Variants in MROH2B observed in about 807,000 individuals in gnomAD.
MROH2B encodes the protein maestro heat like repeat family member 2B.
A neutral mutation model predicts 208.6 loss-of-function variants in MROH2B; 177 were observed. That is an observed-to-expected ratio of 0.85 (90% CI 0.75 to 0.96). The LOEUF is 0.96. Ranked by LOEUF, MROH2B falls within the 40% of genes least tolerant of loss-of-function variation. The probability of loss-of-function intolerance (pLI) is 0.00; values close to 1 mark genes in which losing one functional copy is unlikely to be tolerated. For missense variants in MROH2B, 2,002 were observed against 1,878.7 expected, an observed-to-expected ratio of 1.07 and a Z score of -1.21; for synonymous variants, 728 against 659.0, an observed-to-expected ratio of 1.10 and a Z score of -1.60.
intron 38 of MROH2B, 78 bp from the exon 39 acceptor site, chr5:41,000,429 C>A: frequency 6.5e-7 from 1 of 1,547,742 alleles, no homozygotes; most frequent in Non-Finnish European, 8.7e-7. Context: ...CTGAATAGTA[C>A]TGGGAAAGAA....
At chr5:41,008,584 T>C (rs975572855) in intron 33 of MROH2B, 22 bp downstream of exon 33, 1 of 1,611,306 alleles carries the variant, frequency 6.2e-7, no homozygotes, top group African/African-American at 1.3e-5. Flanking sequence ...CTGTGGAAGA[T>C]GCTTCCTGAT....
chr5:41,031,454 C>G (rs1742566346), intron 24 of MROH2B, among the ~76,000 whole-genome samples: 1 of 151,982 alleles, frequency 6.6e-6, no homozygotes, highest in South Asian at 2.1e-4. Context: ...GGGTGGGGAC[C>G]CAAAGTCAAA....
At chr5:41,034,000 T>C (rs1742671257) in intron 21 of MROH2B, 136 bp from the exon 22 acceptor site, 1 of 1,184,338 alleles carries the variant, frequency 8.4e-7, no homozygotes, top group Non-Finnish European at 1.1e-6. Flanking sequence ...AGGGGGGTCT[T>C]GCCAAGGGGA....
At position 40,998,090 on chromosome 5, in the gene MROH2B, G is replaced by C; in HGVS notation, c.4720C>G (p.Leu1574Val). Residue 1574 changes from leucine (L) to valine (V), a missense_variant, in exon 42 of 42, where the codon CTC (leucine) becomes GTC (valine). Coordinates refer to ENST00000399564, the MANE Select transcript of MROH2B (RefSeq NM_173489.5). ...CTTGTCTCTTTACACCTTCTCAGGA[G>C]GGTTTGCAAAGCAGCCTCAGCTGCT... ...QRAAEAALQT[L>V]LRRCKETSIP... 6.2e-7 allele frequency: 1 copy of C among 1,612,452 alleles called. No individual in the cohort carries two copies. The highest frequency in any genetic ancestry group is 8.5e-7 in the Non-Finnish European group (1 of 1,178,718).
intron 24 of MROH2B, among the ~76,000 whole-genome samples, chr5:41,019,805 G>T (rs1254164599): frequency 6.6e-6 from 1 of 152,206 alleles, no homozygotes; most frequent in Non-Finnish European, 1.5e-5. Context: ...TGTCTTTATT[G>T]TCTGGCTCAC....
chr5:41,017,783 GA>G (rs1742003903), intron 28 of MROH2B, 66 bp downstream of exon 28: 5 of 1,505,278 alleles, frequency 3.3e-6, no homozygotes, highest in Non-Finnish European at 2.7e-6. Flanking sequence ...TGCATAAGGA[GA>G]AAAGCTGAGA....
chr5:41,010,111 GT>G (rs1561277372), intron 30 of MROH2B, 32 bp from the exon 31 acceptor site: 2 of 1,606,376 alleles, frequency 1.2e-6, no homozygotes. Context: ...CAAACATTAA[GT>G]TGCCATTTTC....
chr5:41,023,128 CA>C (rs573098757), intron 24 of MROH2B, among the ~76,000 whole-genome samples: 64 of 152,288 alleles, frequency 4.2e-4, no homozygotes, highest in African/African-American at 1.4e-3. Flanking sequence ...TTCTAAAAAT[CA>C]GAGCGCTCTC....
At chr5:41,061,440 T>G (rs1743633705) in intron 6 of MROH2B, 130 bp downstream of exon 6, 2 of 805,396 alleles carry the variant, frequency 2.5e-6, no homozygotes, top group Admixed American at 6.0e-5. Flanking sequence ...AAGAAAAAAT[T>G]GATAAATCTC....
At chr5:41,017,023 C>A (rs1005998882) in intron 28 of MROH2B, among the ~76,000 whole-genome samples, 7 of 152,122 alleles carry the variant, frequency 4.6e-5, no homozygotes, top group African/African-American at 1.7e-4. Flanking sequence ...GTGTCCCCAG[C>A]ATTAGAACAG....
chr5:41,022,180 T>C (rs1286660124), intron 24 of MROH2B, among the ~76,000 whole-genome samples: 1 of 152,076 alleles, frequency 6.6e-6, no homozygotes, highest in African/African-American at 2.4e-5. Context: ...TACATCTCAA[T>C]GGGGCTTGTT....
chr5:41,050,826 G>A (rs1743261572), intron 13 of MROH2B, 151 bp downstream of exon 13: 2 of 580,536 alleles, frequency 3.4e-6, no homozygotes, highest in East Asian at 6.7e-5. Context: ...ACCACTATGT[G>A]TTGGACACAG....
chr5:41,033,118 T>A lies in MROH2B; in HGVS notation c.2284A>T (p.Ile762Phe). Reference sequence around the variant, plus strand: ...TCAGCATCTTGGACAGCAATGCCAATCTCAGTGATGCTTCTTGTGAAACTC... The same window carrying A: ...TCAGCATCTTGGACAGCAATGCCAAACTCAGTGATGCTTCTTGTGAAACTC... Reference protein sequence around the residue: ...QMSFTRSITEIGIAVQDAEDQ... With the variant: ...QMSFTRSITEFGIAVQDAEDQ... The change falls in exon 23 of 42, where the codon ATT becomes TTT. Residue 762 changes from isoleucine (I) to phenylalanine (F), a missense_variant. By Grantham distance (21) the Ile-to-Phe change is conservative. Transcript: ENST00000399564. 1 of 1,613,022 alleles carries A rather than the reference T, an allele frequency of 6.2e-7. No individual in the cohort carries two copies. The highest frequency in any genetic ancestry group is 8.5e-7 in the Non-Finnish European group (1 of 1,179,252).
chr5:41,055,270 T>C, intron 10 of MROH2B, among the ~76,000 whole-genome samples: 1 of 152,214 alleles, frequency 6.6e-6, no homozygotes, highest in East Asian at 1.9e-4. Flanking sequence ...CATTATTTCA[T>C]ATTGCACCAA....
At chr5:41,051,402 T>A (rs6878907) in intron 12 of MROH2B, 1 of 197,318 alleles carries the variant, frequency 5.1e-6, no homozygotes, top group Admixed American at 6.0e-5. Flanking sequence ...CAAAGCATGC[T>A]TCTTTGTGGA....
At chr5:41,048,266 G>A (rs1743182221) in intron 16 of MROH2B, 58 bp downstream of exon 16, 2 of 1,522,818 alleles carry the variant, frequency 1.3e-6, no homozygotes, top group Non-Finnish European at 1.8e-6. Context: ...GAGAAACGGT[G>A]CATTATTTCT....
rs1203481555 is a variant in MROH2B, at chr5:41,033,112, T to C, written c.2290A>G (p.Ile764Val). Residue 764 changes from isoleucine to valine, a missense_variant, in exon 23 of 42, where the codon ATT (isoleucine) becomes GTT (valine). By Grantham distance (29) the Ile-to-Val change is conservative (BLOSUM62 3). Transcript: ENST00000399564. The part of the protein sequence containing the change: ...SFTRSITEIG[I>V]AVQDAEDQGF... ...TGATCCTCAGCATCTTGGACAGCAA[T>C]GCCAATCTCAGTGATGCTTCTTGTG... 8 of 1,612,938 alleles carry C rather than the reference T, an allele frequency of 5.0e-6. No individual in the cohort carries two copies. Among genetic ancestry groups the C allele is most frequent in the Non-Finnish European group, 5.1e-6 (6 of 1,179,272 alleles).
At chr5:41,051,218 C>A in intron 12 of MROH2B, 128 bp from the exon 13 acceptor site, 1 of 457,628 alleles carries the variant, frequency 2.2e-6, no homozygotes, top group Non-Finnish European at 3.7e-6. Flanking sequence ...GCTCATGGAA[C>A]CTAGATATCT....
rs754948170 is a variant in MROH2B at position 41,004,940 on chromosome 5, C to T, written c.3865-20G>A. 1.2e-6 allele frequency: 2 copies of T among 1,611,834 alleles called. No homozygotes were observed. The highest frequency in any genetic ancestry group is 1.7e-5 in the Admixed American group (1 of 59,828). ...CATGAGCTGAAATAATCAACACACT[C>T]CTCCCGTTTAGTTAAGGGCGTGGCC... On this transcript the variant is annotated intron_variant, in intron 35 of 41. Coordinates refer to ENST00000399564, the MANE Select transcript of MROH2B (RefSeq NM_173489.5).
Sources: gnomAD v4.1 joint callset for allele counts (sites outside exome capture counted in the v4.1 genomes callset) on GRCh38, gnomAD v4.1.1 for gene constraint, MANE v1.5 for transcripts, NCBI Gene and HGNC (gene_info 2026-07-23, HGNC 2026-07-21) for gene names.